The following SRSF10 variants were observed in gnomAD, a reference collection of about 807,000 sequenced individuals.
SRSF10 encodes serine and arginine rich splicing factor 10.
In SRSF10, 9 loss-of-function variants were observed where a neutral mutation model predicts 32.6. The ratio of observed to expected loss-of-function variants is 0.28; its 90% CI spans 0.17 to 0.48. The LOEUF is 0.48. Ranked by LOEUF, SRSF10 falls within the 20% of genes least tolerant of loss-of-function variation. SRSF10 has a pLI of 0.99. For missense variants in SRSF10, 201 were observed against 331.8 expected, an observed-to-expected ratio of 0.61 and a Z score of 3.06; for synonymous variants, 105 against 112.4, an observed-to-expected ratio of 0.93 and a Z score of 0.42.
At chr1:23,975,113 A>G (rs1642005309) in intron 2 of SRSF10, 36 bp from the exon 3 acceptor site, 1 of 1,534,642 alleles carries the variant, frequency 6.5e-7, no homozygotes, top group Non-Finnish European at 9.0e-7. Flanking sequence ...AGTTTTGCAA[A>G]CTTTGATAAT....
Position 23,968,542 on chromosome 1 carries a change from T to C in SRSF10, c.*2600A>G, listed in dbSNP as rs1020370940. ...GTTTTGTGAAGAGTGAGTTAACACATAGCCTTTTCAAGTGTCTGGCACATC... is the reference window on the plus strand; with the variant it reads ...GTTTTGTGAAGAGTGAGTTAACACACAGCCTTTTCAAGTGTCTGGCACATC... On this transcript the variant is annotated 3_prime_UTR_variant, in exon 6 of 6. Coordinates refer to ENST00000492112, the MANE Select transcript of SRSF10 (RefSeq NM_054016.4). 2.0e-5 allele frequency among the ~76,000 whole-genome samples: 3 copies of C among 151,992 alleles called. No homozygotes were observed. The highest frequency in any genetic ancestry group is 4.4e-5 in the Non-Finnish European group (3 of 67,992).
intron 3 of SRSF10, among the ~76,000 whole-genome samples, chr1:23,973,296 T>C (rs1012718512): frequency 9.5e-4 from 144 of 152,334 alleles, no homozygotes; most frequent in African/African-American, 3.2e-3. Flanking sequence ...TGGGAATCCA[T>C]ACCATAAAAG....
At chr1:23,978,642 T>C in intron 2 of SRSF10, 71 bp downstream of exon 2, 3 of 1,531,860 alleles carry the variant, frequency 2.0e-6, no homozygotes, top group Non-Finnish European at 8.8e-7. Context: ...TTTTTAGATG[T>C]TACCACTTAC....
At position 23,968,245 on chromosome 1, in the gene SRSF10, A is replaced by G. The variant is rs954403921; in HGVS notation, c.*2897T>C. ...TGTCGCTTTAGGAACAACATATAAG[A>G]TTCTCAATAGTCCAAGTCTAAAAAT... On this transcript the variant is annotated 3_prime_UTR_variant, in exon 6 of 6. Coordinates refer to ENST00000492112, the MANE Select transcript of SRSF10 (RefSeq NM_054016.4). 4.6e-5 allele frequency among the ~76,000 whole-genome samples: 7 copies of G among 152,274 alleles called. No individual in the cohort carries two copies. Among genetic ancestry groups the G allele is most frequent in the Admixed American group, 2.6e-4 (4 of 15,294 alleles).
At chr1:23,978,531 A>G (rs1359579715) in intron 2 of SRSF10, 182 bp downstream of exon 2, 5 of 805,316 alleles carry the variant, frequency 6.2e-6, no homozygotes, top group Non-Finnish European at 8.8e-6. Flanking sequence ...TATATATTTT[A>G]CCATTTTTGG....
chr1:23,965,175 A>G lies in SRSF10; in HGVS notation c.*5967T>C, dbSNP rs1160217284. The G allele has an allele frequency of 6.6e-6, 1 of 152,020 alleles. No homozygotes were observed. Among genetic ancestry groups the G allele is most frequent in the Non-Finnish European group, 1.5e-5 (1 of 67,836 alleles). 9.4% of individuals were successfully genotyped at this position (152,020 alleles called of 1,614,324 possible). On this transcript the variant is annotated 3_prime_UTR_variant, in exon 6 of 6. Coordinates refer to ENST00000492112, the MANE Select transcript of SRSF10 (RefSeq NM_054016.4). The stretch of plus-strand genomic sequence containing the variant: ...TCAAGTCATCCTATCTAAAATGAGA[A>G]TAGTTCATGCCTAGGATAGGCTAAC...
chr1:23,978,962 T>G (rs1270534871), intron 1 of SRSF10, 145 bp from the exon 2 acceptor site: 2 of 570,630 alleles, frequency 3.5e-6, no homozygotes, highest in African/African-American at 3.8e-5. Flanking sequence ...ACAGCAGACA[T>G]ATGTATGGTA....
In SRSF10 at chr1:23,970,294, G is replaced by A; in HGVS notation, c.*848C>T. On this transcript the variant is annotated 3_prime_UTR_variant, in exon 6 of 6. Transcript: ENST00000492112. ...TTTCCCAGCTGGCATCATTCCCCAA[G>A]ACAGTGGGGTTAACAAAAGAACTAA... 1 of 984,380 alleles carries A rather than the reference G, an allele frequency of 1.0e-6. No individual in the cohort carries two copies. The highest frequency in any genetic ancestry group is 1.2e-6 in the Non-Finnish European group (1 of 829,814). 61.0% of individuals were successfully genotyped at this position (984,380 alleles called of 1,614,324 possible).
intron 1 of SRSF10, chr1:23,979,050 A>G: frequency 7.2e-6 from 1 of 138,368 alleles, no homozygotes; most frequent in Admixed American, 1.0e-4. Flanking sequence ...GGTTGTATAT[A>G]AGCCTTGTTT....
In SRSF10 at chr1:23,970,687, G is replaced by C; in HGVS notation, c.*455C>G. 1 of 987,796 alleles carries C rather than the reference G, an allele frequency of 1.0e-6. No individual in the cohort carries two copies. Among genetic ancestry groups the C allele is most frequent in the Middle Eastern group, 5.2e-4 (1 of 1,914 alleles). 61.2% of individuals were successfully genotyped at this position (987,796 alleles called of 1,614,324 possible). ...CCTAGACATCTTGACAAGACATAAA[G>C]GTCCACCCTGAACCTAAATGTGTCT... On this transcript the variant is annotated 3_prime_UTR_variant, in exon 6 of 6. Coordinates refer to ENST00000492112, the MANE Select transcript of SRSF10 (RefSeq NM_054016.4).
chr1:23,980,047 C>T, intron 1 of SRSF10, 144 bp downstream of exon 1: 1 of 854,538 alleles, frequency 1.2e-6, no homozygotes, highest in Non-Finnish European at 1.7e-6. Context: ...GCCCGCTGCG[C>T]GGCCTAGTTC....
rs1328116320 is a variant in SRSF10 at position 23,964,569 on chromosome 1, C to T, written c.*6573G>A. Among the ~76,000 whole-genome samples, 2 of 151,926 alleles carry T rather than the reference C, an allele frequency of 1.3e-5. No homozygotes were observed. Among genetic ancestry groups the T allele is most frequent in the African/African-American group, 4.8e-5 (2 of 41,402 alleles). The stretch of plus-strand genomic sequence containing the variant: ...GATGGAATCCAGGTCCAAAACCTAT[C>T]CTTAAGCTTAAAATAAATACTAATA... On this transcript the variant is annotated 3_prime_UTR_variant, in exon 6 of 6. Transcript: ENST00000492112.
chr1:23,978,490 GAT>G (rs2148513031), intron 2 of SRSF10, among the ~76,000 whole-genome samples: 1 of 152,240 alleles, frequency 6.6e-6, no homozygotes, highest in African/African-American at 2.4e-5. Context: ...TATAATCATC[GAT>G]ATGAGTTTCA....
In SRSF10 at chr1:23,971,750, T is replaced by C; in HGVS notation, c.437+100A>G. On this transcript the variant is annotated intron_variant, in intron 4 of 5. Coordinates refer to ENST00000492112, the MANE Select transcript of SRSF10 (RefSeq NM_054016.4). ...CAGTATTTTTTGTCTCAATGAAACA[T>C]TCAATGTATATAATTAAAAGTATAC... 8 of 1,488,158 alleles carry C rather than the reference T, an allele frequency of 5.4e-6. No individual in the cohort carries two copies. The Middle Eastern group carries it at 9.1e-4, about 170-fold the overall frequency. The allele number at this position is 1,488,158 out of a possible 1,614,324, so 92.2% of individuals were successfully genotyped here. A position where few individuals can be genotyped will look rare whatever the true frequency, so the allele number is the denominator to read the frequency against.
Position 23,969,299 on chromosome 1 carries a change from C to A in SRSF10, c.*1843G>T. On this transcript the variant is annotated 3_prime_UTR_variant, in exon 6 of 6. Coordinates refer to ENST00000492112, the MANE Select transcript of SRSF10 (RefSeq NM_054016.4). Reference sequence around the variant, plus strand: ...TCTTTGCTAGAACTGTAAACTACTGCTACAGTTTTAAATAGACTTTTTGTT... The same window carrying A: ...TCTTTGCTAGAACTGTAAACTACTGATACAGTTTTAAATAGACTTTTTGTT... 1 of 985,100 alleles carries A rather than the reference C, an allele frequency of 1.0e-6. No individual in the cohort carries two copies. Among genetic ancestry groups the A allele is most frequent in the East Asian group, 1.1e-4 (1 of 8,810 alleles). The allele number at this position is 985,100 out of a possible 1,614,324, so 61.0% of individuals were successfully genotyped here. A position where few individuals can be genotyped will look rare whatever the true frequency, so the allele number is the denominator to read the frequency against.
intron 2 of SRSF10, 178 bp downstream of exon 2, chr1:23,978,535 T>G: frequency 1.2e-6 from 1 of 831,786 alleles, no homozygotes; most frequent in South Asian, 3.0e-5. Context: ...TATTTTACCA[T>G]TTTTGGATTA....
chr1:23,969,533 C>T lies in SRSF10; in HGVS notation c.*1609G>A. 1 of 985,306 alleles carries T rather than the reference C, an allele frequency of 1.0e-6. No individual in the cohort carries two copies. The highest frequency in any genetic ancestry group is 1.7e-5 in the African/African-American group (1 of 57,334). The allele number at this position is 985,306 out of a possible 1,614,324, so 61.0% of individuals were successfully genotyped here. A position where few individuals can be genotyped will look rare whatever the true frequency, so the allele number is the denominator to read the frequency against. On this transcript the variant is annotated 3_prime_UTR_variant, in exon 6 of 6. Transcript: ENST00000492112. Reference sequence around the variant, plus strand: ...ATCGTTGTATTCTTTACAGGCAAAGCCTAGATTACTAAAACCGAAATTGAA... The same window carrying T: ...ATCGTTGTATTCTTTACAGGCAAAGTCTAGATTACTAAAACCGAAATTGAA...
chr1:23,974,615 G>A (rs1282424310), intron 3 of SRSF10, among the ~76,000 whole-genome samples: 1 of 152,168 alleles, frequency 6.6e-6, no homozygotes, highest in Non-Finnish European at 1.5e-5. Flanking sequence ...GATCACCTGA[G>A]GTGGGGAGTT....
chr1:23,978,870 A>G, intron 1 of SRSF10, 53 bp from the exon 2 acceptor site: 3 of 1,462,056 alleles, frequency 2.1e-6, no homozygotes, highest in South Asian at 2.6e-5. Flanking sequence ...CTTAAGATGT[A>G]TAGGCAATAT....
Sources: allele counts gnomAD v4.1 joint callset (sites outside exome capture counted in the v4.1 genomes callset), GRCh38; gene constraint gnomAD v4.1.1; transcripts MANE v1.5; gene names NCBI Gene and HGNC (gene_info 2026-07-23, HGNC 2026-07-21).